The following SAAL1 variants were observed in gnomAD, a reference collection of about 807,000 sequenced individuals.
SAAL1 encodes protein SAAL1.
In SAAL1, 42 loss-of-function variants were observed where a neutral mutation model predicts 59.8. The observed-to-expected ratio is 0.70, with a 90% confidence interval of 0.55 to 0.91. SAAL1 has a LOEUF of 0.91. Ranked by LOEUF, SAAL1 falls within the 40% of genes least tolerant of loss-of-function variation. SAAL1 has a pLI of 0.00. For missense variants in SAAL1, 542 were observed against 561.1 expected (o/e 0.97, Z 0.34); for synonymous variants, 191 against 194.3 (o/e 0.98, Z 0.14).
rs755925079 is a variant in SAAL1 at position 18,083,701 on chromosome 11, C to T, written c.1073G>A (p.Arg358Gln). 1.6e-5 allele frequency: 26 copies of T among 1,607,604 alleles called. No individual in the cohort carries two copies. The highest frequency in any genetic ancestry group is 1.6e-4 in the Middle Eastern group (1 of 6,062). ...VDLPLIDSLI[R>Q]VLQNMEQCQK... Reference sequence around the variant, plus strand: ...ACACTGTTCCATATTTTGTAAGACCCGAATGAGGCTGTCAATTAGAGGAAG... The same window carrying T: ...ACACTGTTCCATATTTTGTAAGACCTGAATGAGGCTGTCAATTAGAGGAAG... Residue 358 changes from arginine (R) to glutamine (Q), a missense_variant, in exon 10 of 12, where the codon CGG becomes CAG. Arg to Gln is a conservative substitution (Grantham distance 43). Coordinates refer to ENST00000524803, the MANE Select transcript of SAAL1 (RefSeq NM_138421.3).
chr11:18,089,487 C>A lies in SAAL1; in HGVS notation c.613G>T (p.Glu205Ter), dbSNP rs996450590. 6.2e-7 allele frequency: 1 copy of A among 1,610,916 alleles called. No homozygotes were observed. Among genetic ancestry groups the A allele is most frequent in the African/African-American group, 1.3e-5 (1 of 74,656 alleles). The change falls in exon 7 of 12, where the codon GAG becomes TAG. Residue 205 changes from glutamate (E) to a stop codon, truncating the protein, a stop_gained. Coordinates refer to ENST00000524803, the MANE Select transcript of SAAL1 (RefSeq NM_138421.3). LOFTEE classifies it high-confidence loss of function. The part of the protein sequence containing the change: ...TNVDLLVKVG[E>*]VVDKLFDLDE... ...AAATCAAAGAGCTTGTCCACAACCT[C>A]CCCCACCTTCACCAGCAAGTCAACT...
chr11:18,082,632 T>G (rs1174676152), intron 10 of SAAL1, among the ~76,000 whole-genome samples: 1 of 151,200 alleles, frequency 6.6e-6, no homozygotes, highest in African/African-American at 2.5e-5. Flanking sequence ...AGAAACTTTT[T>G]GTTTCATTTT....
chr11:18,081,313 T>C lies in SAAL1; in HGVS notation c.1332+98A>G, dbSNP rs148201783. The C allele has an allele frequency of 7.4e-4, 601 of 816,838 alleles. 5 individuals are homozygous for C. The African/African-American group carries it at 9.1e-3, about 12-fold the overall frequency. 50.6% of individuals were successfully genotyped at this position (816,838 alleles called of 1,614,324 possible). On this transcript the variant is annotated intron_variant, in intron 11 of 11. Transcript: ENST00000524803. ...ATTAAGTCATATAAATTGTATATAC[T>C]ATCATTTTTGACAATGACCTCGAAA...
At position 18,080,936 on chromosome 11, in the gene SAAL1, A is replaced by C. The variant is rs1460313612; in HGVS notation, c.1333-445T>G. On this transcript the variant is annotated intron_variant, in intron 11 of 11. Coordinates refer to ENST00000524803, the MANE Select transcript of SAAL1 (RefSeq NM_138421.3). ...ATTCAGAGCTTATTTTTTTCCTCTT[A>C]GAATTGTTACTCCCAATACTATTAT... Among the ~76,000 whole-genome samples the C allele has an allele frequency of 4.6e-5, 7 of 152,300 alleles. No homozygotes were observed. The South Asian group carries it at 1.5e-3, about 32-fold the overall frequency.
intron 8 of SAAL1, 27 bp downstream of exon 8, chr11:18,087,116 G>T: frequency 6.3e-7 from 1 of 1,597,544 alleles, no homozygotes; most frequent in Non-Finnish European, 8.6e-7. Context: ...ATGAGTAACT[G>T]TAGTGCATCC....
rs1364410937 is a variant in SAAL1 at position 18,089,418 on chromosome 11, G to C, written c.682C>G (p.Gln228Glu). 11 of 1,612,072 alleles carry C rather than the reference G, an allele frequency of 6.8e-6. No homozygotes were observed. The Middle Eastern group carries it at 4.9e-4, about 72-fold the overall frequency. ...MLEWVRNGAA[Q>E]PLDQPQEESE... ...TCTTCCTGGGGTTGGTCCAGAGGCT[G>C]AGCAGCCCCATTTCTGACCCATTCT... Residue 228 changes from glutamine (Q) to glutamate (E), a missense_variant, in exon 7 of 12, where the codon CAG becomes GAG. Coordinates refer to ENST00000524803, the MANE Select transcript of SAAL1 (RefSeq NM_138421.3).
intron 9 of SAAL1, among the ~76,000 whole-genome samples, chr11:18,086,527 C>G (rs564033534): frequency 2.0e-5 from 3 of 151,980 alleles, no homozygotes; most frequent in African/African-American, 7.3e-5. Context: ...GGTAAAAACC[C>G]GTCTCTACTG....
Position 18,105,989 on chromosome 11 carries a change from T to A in SAAL1, c.53A>T (p.Glu18Val). The change falls in exon 1 of 12, where the codon GAG becomes GTG. Residue 18 changes from glutamate (E) to valine (V), a missense_variant. By Grantham distance (121) the Glu-to-Val change is moderately radical. Coordinates refer to ENST00000524803, the MANE Select transcript of SAAL1 (RefSeq NM_138421.3). ...PPPGRDKEEE[E>V]EVAGGDCIGS... ...TATGCAGTCTCCACCGGCCACCTCC[T>A]CCTCCTCCTCCTTGTCGCGACCCGG... is the stretch of plus-strand genomic sequence containing the variant. The A allele has an allele frequency of 1.2e-6, 2 of 1,609,156 alleles. No homozygotes were observed. The highest frequency in any genetic ancestry group is 1.7e-6 in the Non-Finnish European group (2 of 1,178,498).
intron 1 of SAAL1, among the ~76,000 whole-genome samples, chr11:18,103,681 A>C (rs977940108): frequency 2.6e-5 from 4 of 152,204 alleles, no homozygotes; most frequent in Non-Finnish European, 5.9e-5. Context: ...TTGCACCTTG[A>C]ACTGCTGGTA....
At chr11:18,089,997 A>G (rs553033561) in intron 6 of SAAL1, among the ~76,000 whole-genome samples, 178 bp downstream of exon 6, 1 of 152,316 alleles carries the variant, frequency 6.6e-6, no homozygotes, top group South Asian at 2.1e-4. Flanking sequence ...GTAGTAGGCT[A>G]TGATCACACT....
intron 2 of SAAL1, among the ~76,000 whole-genome samples, chr11:18,097,162 G>A (rs557312712): frequency 7.2e-5 from 11 of 152,028 alleles, no homozygotes; most frequent in Middle Eastern, 3.4e-3. Flanking sequence ...GCTAGAACCC[G>A]GGAGGCAGAG....
intron 2 of SAAL1, among the ~76,000 whole-genome samples, chr11:18,102,360 C>T (rs761084462): frequency 7.1e-4 from 107 of 151,412 alleles, no homozygotes; most frequent in Admixed American, 1.2e-3. Context: ...TGAGATCGCA[C>T]CACTGTACTC....
chr11:18,081,662 A>C, intron 10 of SAAL1, 159 bp from the exon 11 acceptor site: 1 of 609,188 alleles, frequency 1.6e-6, no homozygotes, highest in Non-Finnish European at 2.9e-6. Flanking sequence ...ATGTAACCCA[A>C]ACATGTTCTC....
intron 4 of SAAL1, 44 bp from the exon 5 acceptor site, chr11:18,090,537 T>C: frequency 1.9e-6 from 3 of 1,573,574 alleles, no homozygotes; most frequent in Admixed American, 2.1e-5. Flanking sequence ...ACTTCTCGCA[T>C]TTAAAATATC....
intron 1 of SAAL1, among the ~76,000 whole-genome samples, chr11:18,105,528 A>G (rs1044693947): frequency 2.0e-5 from 3 of 152,036 alleles, no homozygotes; most frequent in African/African-American, 7.2e-5. Flanking sequence ...CATTTATTCT[A>G]TTACAACGAT....
At chr11:18,105,709 G>A (rs1044237006) in intron 1 of SAAL1, among the ~76,000 whole-genome samples, 198 bp downstream of exon 1, 1 of 152,164 alleles carries the variant, frequency 6.6e-6, no homozygotes. Flanking sequence ...CCTTTGTGTC[G>A]AGAGACCCCG....
In SAAL1 at chr11:18,087,006, A is replaced by G; in HGVS notation, c.902T>C (p.Leu301Pro). The G allele has an allele frequency of 2.5e-6, 4 of 1,614,086 alleles. No individual in the cohort carries two copies. Among genetic ancestry groups the G allele is most frequent in the Non-Finnish European group, 3.4e-6 (4 of 1,179,918 alleles). ...AGACTGGCAGAATTCATGGCAGACC[A>G]GGTCAAAAAGTAAATTCCAAATGTC... ...GKDIWNLLFD[L>P]VCHEFCQSDD... Residue 301 changes from leucine to proline, a missense_variant, in exon 9 of 12, where the codon CTG (leucine) becomes CCG (proline). Coordinates refer to ENST00000524803, the MANE Select transcript of SAAL1 (RefSeq NM_138421.3).
At chr11:18,105,168 G>A (rs946481485) in intron 1 of SAAL1, among the ~76,000 whole-genome samples, 2 of 151,878 alleles carry the variant, frequency 1.3e-5, no homozygotes, top group Admixed American at 6.6e-5. Flanking sequence ...GGGTAAGGAA[G>A]CTGCGTTTTT....
chr11:18,096,261 A>T (rs1018794662), intron 3 of SAAL1, among the ~76,000 whole-genome samples: 1 of 151,992 alleles, frequency 6.6e-6, no homozygotes, highest in Non-Finnish European at 1.5e-5. Context: ...TCATAATTTT[A>T]AATTATTAAA....
Sources: allele counts gnomAD v4.1 joint callset (sites outside exome capture counted in the v4.1 genomes callset), GRCh38; gene constraint gnomAD v4.1.1; transcripts MANE v1.5; gene names NCBI Gene and HGNC (gene_info 2026-07-23, HGNC 2026-07-21).